The following CCDC92B variants were observed in gnomAD, a reference collection of about 807,000 sequenced individuals.
CCDC92B encodes coiled-coil domain-containing 92B.
CCDC92B carries 2 observed loss-of-function variants against 5.6 expected under a neutral mutation model. The observed-to-expected ratio is 0.36, with a 90% CI of 0.15 to 1.12. CCDC92B has a LOEUF of 1.12. Ranked by LOEUF, CCDC92B falls within the 50% of genes most tolerant of loss-of-function variation. The pLI, the probability that CCDC92B is intolerant of heterozygous loss-of-function variation, is 0.40. For missense variants in CCDC92B, 271 were observed against 262.2 expected (o/e 1.03, Z -0.23); for synonymous variants, 115 against 122.3 (o/e 0.94, Z 0.39).
In CCDC92B at chr17:2,722,192, TGGGCACCTCCGA is replaced by T. The variant is rs1361782002; in HGVS notation, c.*2207_*2218del. On this transcript the variant is annotated 3_prime_UTR_variant, in exon 4 of 4. Coordinates refer to ENST00000614400, the MANE Select transcript of CCDC92B (RefSeq NM_001355573.2). The stretch of plus-strand genomic sequence containing the variant: ...CTTTGCCCTTCTTCCCACAGTCCTC[TGGGCACCTCCGA>T]GAGAGGAGTGAGGCCCTCACACACA... 3 of 152,092 alleles carry T rather than the reference TGGGCACCTCCGA, an allele frequency of 2.0e-5. No homozygotes were observed. Among genetic ancestry groups the T allele is most frequent in the Admixed American group, 1.3e-4 (2 of 15,258 alleles). 9.4% of individuals were successfully genotyped at this position (152,092 alleles called of 1,614,324 possible).
At chr17:2,742,262 G>T (rs551733511) in intron 1 of CCDC92B, among the ~76,000 whole-genome samples, 5 of 152,020 alleles carry the variant, frequency 3.3e-5, no homozygotes, top group Non-Finnish European at 7.4e-5. Flanking sequence ...TAGAGATGGG[G>T]TCTCACTATG....
intron 1 of CCDC92B, among the ~76,000 whole-genome samples, chr17:2,739,094 G>A (rs573423751): frequency 9.4e-5 from 14 of 148,652 alleles, no homozygotes; most frequent in East Asian, 4.0e-4. Context: ...TAGGGCGGGC[G>A]CAATGGCTCA....
At chr17:2,726,045 A>G (rs575539088) in intron 3 of CCDC92B, among the ~76,000 whole-genome samples, 1 of 123,318 alleles carries the variant, frequency 8.1e-6, no homozygotes, top group East Asian at 2.5e-4. Context: ...GCCAGGCTGG[A>G]GTGCAAGTGG....
intron 3 of CCDC92B, among the ~76,000 whole-genome samples, chr17:2,730,041 G>T (rs573265373): frequency 5.9e-5 from 9 of 152,322 alleles, no homozygotes; most frequent in Admixed American, 5.9e-4. Flanking sequence ...GACTGGGGAG[G>T]TGGGTCACAG....
At chr17:2,727,525 G>A (rs1212326839) in intron 3 of CCDC92B, among the ~76,000 whole-genome samples, 2 of 152,186 alleles carry the variant, frequency 1.3e-5, no homozygotes, top group Non-Finnish European at 2.9e-5. Flanking sequence ...AAATCACCAA[G>A]TGATAAGAGG....
At chr17:2,729,983 AGTGAATCTTGACACTGACCAT>A (rs2070775332) in intron 3 of CCDC92B, among the ~76,000 whole-genome samples, 1 of 152,198 alleles carries the variant, frequency 6.6e-6, no homozygotes, top group Non-Finnish European at 1.5e-5. Flanking sequence ...CACTCAGTTC[AGTGAATCTTGACACTGACCAT>A]GTGATCACTT....
At chr17:2,745,104 CATA>C (rs1007381119) in intron 1 of CCDC92B, among the ~76,000 whole-genome samples, 5 of 133,156 alleles carry the variant, frequency 3.8e-5, no homozygotes, top group African/African-American at 1.3e-4. Flanking sequence ...AAAATAAAAA[CATA>C]ATAATACACT....
chr17:2,724,431 CGCTGGGCTG>C lies in CCDC92B; in HGVS notation c.739_747del (p.Gln247_Ser249del), dbSNP rs2151735896. On this transcript the variant is annotated inframe_deletion, in exon 4 of 4. Coordinates refer to ENST00000614400, the MANE Select transcript of CCDC92B (RefSeq NM_001355573.2). The surrounding 1 kb of genome is among the most constrained non-coding windows in gnomAD (Gnocchi z 5.0). Reference sequence around the variant, plus strand: ...GGCGCCTACTCCGGGTCCCCGGGCGCGCTGGGCTGGCTGGGCGCGGGCTGCGGGCCGGCT... The same window carrying C: ...GGCGCCTACTCCGGGTCCCCGGGCGCGCTGGGCGCGGGCTGCGGGCCGGCT... 1 of 984,630 alleles carries C rather than the reference CGCTGGGCTG, an allele frequency of 1.0e-6. No individual in the cohort carries two copies. Among genetic ancestry groups the C allele is most frequent in the African/African-American group, 1.7e-5 (1 of 57,242 alleles). 61.0% of individuals were successfully genotyped at this position (984,630 alleles called of 1,614,324 possible).
intron 1 of CCDC92B, among the ~76,000 whole-genome samples, chr17:2,741,295 G>GT (rs2070923898): frequency 1.3e-5 from 2 of 152,062 alleles, no homozygotes; most frequent in African/African-American, 4.8e-5. Context: ...GCCGCTGCTA[G>GT]TAAGGGCTGA....
chr17:2,727,198 T>G (rs1458959390), intron 3 of CCDC92B, among the ~76,000 whole-genome samples: 5 of 152,172 alleles, frequency 3.3e-5, no homozygotes, highest in Non-Finnish European at 7.3e-5. Flanking sequence ...TTGTCATTTT[T>G]TGTTTACTTG....
At chr17:2,745,178 T>G (rs1184234404) in intron 1 of CCDC92B, among the ~76,000 whole-genome samples, 1 of 151,924 alleles carries the variant, frequency 6.6e-6, no homozygotes, top group Non-Finnish European at 1.5e-5. Flanking sequence ...AGGGTTTGTG[T>G]GCTTGCGTAT....
At chr17:2,727,823 CAA>C (rs11456542) in intron 3 of CCDC92B, among the ~76,000 whole-genome samples, 2 of 118,606 alleles carry the variant, frequency 1.7e-5, no homozygotes, top group African/African-American at 3.3e-5. Context: ...GACTCCGTCT[CAA>C]AAAAAAAAAA....
intron 1 of CCDC92B, chr17:2,748,602 G>A (rs2071016717): frequency 1.0e-6 from 1 of 984,990 alleles, no homozygotes; most frequent in Admixed American, 6.2e-5. Flanking sequence ...GCAAGGCTTT[G>A]TCTCTGGGAA....
intron 3 of CCDC92B, among the ~76,000 whole-genome samples, chr17:2,729,494 C>CA (rs34350398): frequency 0.14 from 16,476 of 114,240 alleles, 1,632 homozygotes; most frequent in Admixed American, 0.21. Context: ...GACTCCGTCT[C>CA]AAAAAAAAAA....
rs776040436 is a variant in CCDC92B, at chr17:2,743,906, C to A, written c.-24+5505G>T. Among the ~76,000 whole-genome samples the A allele has an allele frequency of 2.0e-5, 3 of 151,940 alleles. No homozygotes were observed. In the South Asian group the frequency reaches 6.2e-4, roughly 32 times the overall value. ...TTTTTTTATTTTTTTGAGATGGAGT[C>A]TGGCTCTGTTGCCCAGGTTGGAGTG... On this transcript the variant is annotated intron_variant, in intron 1 of 3. Transcript: ENST00000614400.
intron 1 of CCDC92B, among the ~76,000 whole-genome samples, chr17:2,745,525 G>C (rs938398641): frequency 6.6e-6 from 1 of 152,082 alleles, no homozygotes; most frequent in African/African-American, 2.4e-5. Flanking sequence ...GGTCACAAAC[G>C]ATCTTGGCAA....
At position 2,724,969 on chromosome 17, in the gene CCDC92B, G is replaced by A. The variant is rs936460236; in HGVS notation, c.210C>T (p.Cys70=). 5.1e-6 allele frequency: 5 copies of A among 985,386 alleles called. No individual in the cohort carries two copies. The highest frequency in any genetic ancestry group is 4.8e-6 in the Non-Finnish European group (4 of 830,016). The allele number at this position is 985,386 out of a possible 1,614,324, so 61.0% of individuals were successfully genotyped here. A position where few individuals can be genotyped will look rare whatever the true frequency, so the allele number is the denominator to read the frequency against. The change falls in exon 4 of 4, where the codon TGC becomes TGT. Residue 70 remains cysteine, a synonymous_variant. Coordinates refer to ENST00000614400, the MANE Select transcript of CCDC92B (RefSeq NM_001355573.2). The surrounding 1 kb of genome is among the most constrained non-coding windows in gnomAD (Gnocchi z 5.0). ...EAASRELESK[C]RALESQLEAR... ...CCTCCAGCTGCGACTCCAGCGCGCG[G>A]CACTTGCTCTCCAGCTCCCGGGACG...
chr17:2,727,626 C>T (rs369937852), intron 3 of CCDC92B, among the ~76,000 whole-genome samples: 2 of 151,882 alleles, frequency 1.3e-5, no homozygotes, highest in African/African-American at 4.8e-5. Flanking sequence ...GAGTTCGAGA[C>T]CAGCCTGGCC....
intron 2 of CCDC92B, among the ~76,000 whole-genome samples, chr17:2,732,269 C>T (rs1255874046): frequency 6.6e-6 from 1 of 152,202 alleles, no homozygotes; most frequent in Admixed American, 6.6e-5. Flanking sequence ...TCTCCTCTCT[C>T]CCAACCGCCT....
Sources: gnomAD v4.1 joint callset for allele counts (sites outside exome capture counted in the v4.1 genomes callset) on GRCh38, gnomAD v4.1.1 for gene constraint, Gnocchi (gnomAD v3.1) non-coding constraint, MANE v1.5 for transcripts, NCBI Gene and HGNC (gene_info 2026-07-23, HGNC 2026-07-21) for gene names.